DOP1A: variants seen among roughly 807,000 people sequenced by gnomAD.
DOP1A encodes protein DOP1A.
Under a neutral mutation model 267.6 loss-of-function variants are expected in DOP1A, and 90 were observed. That is an observed-to-expected ratio of 0.34 (90% CI 0.28 to 0.40). The LOEUF (loss-of-function observed/expected upper bound fraction) is 0.40. Ranked by LOEUF, DOP1A falls within the 10% of genes least tolerant of loss-of-function variation. The probability of loss-of-function intolerance (pLI) is 1.00; values close to 1 mark genes in which losing one functional copy is unlikely to be tolerated. For missense variants in DOP1A, 2,437 were observed against 2,900.4 expected, an observed-to-expected ratio of 0.84 and a Z score of 3.67; for synonymous variants, 932 against 999.1, an observed-to-expected ratio of 0.93 and a Z score of 1.27.
At chr6:83,143,945 A>G (rs1240698742) in intron 24 of DOP1A, among the ~76,000 whole-genome samples, 2 of 152,244 alleles carry the variant, frequency 1.3e-5, no homozygotes, top group Non-Finnish European at 2.9e-5. Flanking sequence ...AAGAGATCCT[A>G]AAAGCTTCTA....
intron 4 of DOP1A, among the ~76,000 whole-genome samples, chr6:83,108,623 A>G (rs1437693349): frequency 6.6e-6 from 1 of 152,204 alleles, no homozygotes; most frequent in Non-Finnish European, 1.5e-5. Flanking sequence ...ATTACAGGGA[A>G]GGCACATGTT....
chr6:83,076,481 C>G (rs188974763), intron 1 of DOP1A, among the ~76,000 whole-genome samples: 1 of 151,974 alleles, frequency 6.6e-6, no homozygotes, highest in Non-Finnish European at 1.5e-5. Flanking sequence ...ACTGCACTCC[C>G]GCCTGGAGGC....
intron 19 of DOP1A, among the ~76,000 whole-genome samples, chr6:83,135,418 C>G (rs1203080855): frequency 6.6e-6 from 1 of 150,610 alleles, no homozygotes; most frequent in Non-Finnish European, 1.5e-5. Context: ...TTTAAAAGGG[C>G]AAAAGGTTTT....
At chr6:83,139,924 G>A in intron 21 of DOP1A, 76 bp from the exon 22 acceptor site, 2 of 933,580 alleles carry the variant, frequency 2.1e-6, no homozygotes, top group East Asian at 2.5e-5. Flanking sequence ...CTGACACATT[G>A]TGAGTATTTA....
intron 33 of DOP1A, among the ~76,000 whole-genome samples, chr6:83,155,234 C>T (rs1782537954): frequency 6.7e-6 from 1 of 149,064 alleles, no homozygotes; most frequent in South Asian, 2.1e-4. Flanking sequence ...GGCCAAGGCA[C>T]TAGGATTGTT....
chr6:83,081,035 G>A (rs112443141), intron 1 of DOP1A, among the ~76,000 whole-genome samples: 5,793 of 152,228 alleles, frequency 0.038, 180 homozygotes, highest in African/African-American at 0.073. Flanking sequence ...AAAATAACAT[G>A]GAACTGGCAT....
chr6:83,095,961 A>G (rs1771413539), intron 1 of DOP1A, among the ~76,000 whole-genome samples: 1 of 152,142 alleles, frequency 6.6e-6, no homozygotes, highest in Non-Finnish European at 1.5e-5. Flanking sequence ...TAAAGAGGAA[A>G]CCAAAGTGCA....
Position 83,140,337 on chromosome 6 carries a change from T to C in DOP1A, c.5349T>C (p.Asp1783=), listed in dbSNP as rs950986489. 1 of 1,613,378 alleles carries C rather than the reference T, an allele frequency of 6.2e-7. No individual in the cohort carries two copies. The highest frequency in any genetic ancestry group is 8.5e-7 in the Non-Finnish European group (1 of 1,179,888). The change falls in exon 23 of 39, where the codon GAT becomes GAC. Residue 1783 remains aspartate (D), a synonymous_variant. Coordinates refer to ENST00000349129, the MANE Select transcript of DOP1A (RefSeq NM_015018.4). ...TLLWSILHQA[D]SSEKMTIAAS... Reference sequence around the variant, plus strand: ...TTTGGAGCATACTGCATCAAGCTGATTCTTCAGAAAAGATGACTATTGCCG... The same window carrying C: ...TTTGGAGCATACTGCATCAAGCTGACTCTTCAGAAAAGATGACTATTGCCG...
chr6:83,114,228 T>C (rs1775037107), intron 7 of DOP1A, among the ~76,000 whole-genome samples: 1 of 152,188 alleles, frequency 6.6e-6, no homozygotes, highest in Non-Finnish European at 1.5e-5. Flanking sequence ...GATATTGAAA[T>C]ATTAATAACT....
At chr6:83,153,718 G>T in intron 31 of DOP1A, 98 bp downstream of exon 31, 3 of 1,198,452 alleles carry the variant, frequency 2.5e-6, no homozygotes, top group South Asian at 1.8e-5. Context: ...TCATAAAATG[G>T]CATTTTTACC....
At chr6:83,166,711 T>G in intron 38 of DOP1A, 2 of 1,219,096 alleles carry the variant, frequency 1.6e-6, no homozygotes, top group African/African-American at 1.6e-5. Flanking sequence ...GGATTTTACT[T>G]TAAAATAAGC....
chr6:83,124,860 A>G (rs1776901381), intron 13 of DOP1A, 41 bp downstream of exon 13: 1 of 1,467,156 alleles, frequency 6.8e-7, no homozygotes, highest in Non-Finnish European at 9.5e-7. Flanking sequence ...GAAATCGAAT[A>G]ACGTAGTTCA....
rs556317785 is a variant in DOP1A, at chr6:83,084,811, G to T, written c.-146-11920G>T. On this transcript the variant is annotated intron_variant, in intron 1 of 38. Transcript: ENST00000349129. ...TCACCATGTTGGCCAGGCTGGTCTC[G>T]AACTCCTGGCCTCAAGTGATCTGCC... Among the ~76,000 whole-genome samples the T allele has an allele frequency of 4.0e-5, 6 of 151,290 alleles. No homozygotes were observed. The East Asian group carries it at 1.2e-3, about 30-fold the overall frequency.
At position 83,138,281 on chromosome 6, in the gene DOP1A, T is replaced by C; in HGVS notation, c.4239T>C (p.Thr1413=). The C allele has an allele frequency of 6.2e-7, 1 of 1,612,994 alleles. No homozygotes were observed. Among genetic ancestry groups the C allele is most frequent in the African/African-American group, 1.3e-5 (1 of 75,044 alleles). The change falls in exon 21 of 39, where the codon ACT becomes ACC. Residue 1413 remains threonine (T), a synonymous_variant. Coordinates refer to ENST00000349129, the MANE Select transcript of DOP1A (RefSeq NM_015018.4). ...ISTTSVNNAY[T]PQLSLLQNLL... is the part of the protein sequence containing the mutation. ...CTACTAGTGTAAATAATGCATATAC[T>C]CCTCAGTTGTCTCTCCTTCAGAATC...
intron 15 of DOP1A, 23 bp from the exon 16 acceptor site, chr6:83,128,861 TTTG>T (rs1777603370): frequency 6.6e-7 from 1 of 1,512,298 alleles, no homozygotes; most frequent in African/African-American, 1.4e-5. Context: ...TACTCAGCCT[TTTG>T]TTTTCTTAAA....
intron 1 of DOP1A, among the ~76,000 whole-genome samples, chr6:83,071,663 G>A (rs944886281): frequency 5.2e-4 from 79 of 152,098 alleles, no homozygotes; most frequent in African/African-American, 1.8e-3. Flanking sequence ...GAGAAACAAA[G>A]CCTTAATTGT....
At chr6:83,159,691 T>C (rs1057095743) in intron 36 of DOP1A, 105 bp from the exon 37 acceptor site, 1 of 1,274,126 alleles carries the variant, frequency 7.8e-7, no homozygotes, top group Non-Finnish European at 1.1e-6. Flanking sequence ...GGCACATTTA[T>C]CTCAGGATGA....
At position 83,072,371 on chromosome 6, in the gene DOP1A, A is replaced by G. The variant is rs184209273; in HGVS notation, c.-147+4592A>G. On this transcript the variant is annotated intron_variant, in intron 1 of 38. Coordinates refer to ENST00000349129, the MANE Select transcript of DOP1A (RefSeq NM_015018.4). ...TTATCAGTACACACAATCATTTGCTACTCACCAAGAGGTCAGATTCCTGGG... is the reference window on the plus strand; with the variant it reads ...TTATCAGTACACACAATCATTTGCTGCTCACCAAGAGGTCAGATTCCTGGG... 2.3e-4 allele frequency among the ~76,000 whole-genome samples: 35 copies of G among 151,754 alleles called. No individual in the cohort carries two copies. The East Asian group carries it at 4.4e-3, about 19-fold the overall frequency.
At chr6:83,081,166 G>C (rs1768009188) in intron 1 of DOP1A, among the ~76,000 whole-genome samples, 1 of 152,116 alleles carries the variant, frequency 6.6e-6, no homozygotes, top group Non-Finnish European at 1.5e-5. Context: ...CTGTTGCCCG[G>C]GCTGGGGTGC....
Sources: gnomAD v4.1 joint callset for allele counts (sites outside exome capture counted in the v4.1 genomes callset) on GRCh38, gnomAD v4.1.1 for gene constraint, MANE v1.5 for transcripts, NCBI Gene and HGNC (gene_info 2026-07-23, HGNC 2026-07-21) for gene names.